The following TUSC3 variants were observed in gnomAD, a reference collection of about 807,000 sequenced individuals.
TUSC3 encodes the protein tumor suppressor candidate 3.
A neutral mutation model predicts 44.8 loss-of-function variants in TUSC3; 45 were observed. The ratio of observed to expected loss-of-function variants is 1.00; its 90% CI spans 0.79 to 1.29. The LOEUF is 1.29. TUSC3 is among the 50% of genes most tolerant of loss of function. TUSC3 has a pLI of 0.00. For synonymous variants in TUSC3, 212 were observed against 152.9 expected, an observed-to-expected ratio of 1.39 and a Z score of -2.85; for missense variants, 519 against 437.9, an observed-to-expected ratio of 1.19 and a Z score of -1.65.
chr8:15,820,831 T>C, the TUSC3 span, among the ~76,000 whole-genome samples: 2 of 152,232 alleles, frequency 1.3e-5, no homozygotes, highest in East Asian at 1.9e-4. Flanking sequence ...TTCCCTCTTA[T>C]GTTTTTTAAA....
chr8:15,561,750 A>C (rs6988858), intron 1 of TUSC3: 1 of 148,266 alleles, frequency 6.7e-6, no homozygotes, highest in Non-Finnish European at 1.5e-5. Context: ...GTATTCGGGT[A>C]TGAGTGACCC....
At chr8:15,497,091 G>A (rs1305418560) in intron 2 of TUSC3, among the ~76,000 whole-genome samples, 1 of 152,160 alleles carries the variant, frequency 6.6e-6, no homozygotes, top group Non-Finnish European at 1.5e-5. Flanking sequence ...TACGGTAAGT[G>A]CTATCAGGAA....
intron 1 of TUSC3, among the ~76,000 whole-genome samples, chr8:15,559,864 TC>T (rs1272355458): frequency 1.0e-5 from 1 of 100,374 alleles, no homozygotes; most frequent in African/African-American, 3.9e-5. Context: ...TGGTAGATCT[TC>T]CTCCATCCTT....
chr8:15,496,234 C>T (rs974043884), intron 2 of TUSC3, among the ~76,000 whole-genome samples: 2 of 152,184 alleles, frequency 1.3e-5, no homozygotes, highest in African/African-American at 4.8e-5. Flanking sequence ...ACAGCATATC[C>T]ATTCCAGCAT....
the TUSC3 span, among the ~76,000 whole-genome samples, chr8:15,833,202 A>G: frequency 0.56 from 85,604 of 152,008 alleles, 26,675 homozygotes; most frequent in Non-Finnish European, 0.72. Flanking sequence ...TAAAAAGTCA[A>G]AAAATAACAG....
the TUSC3 span, among the ~76,000 whole-genome samples, chr8:15,793,617 C>A: frequency 6.6e-6 from 1 of 152,156 alleles, no homozygotes; most frequent in Non-Finnish European, 1.5e-5. Context: ...TTTGAAACAG[C>A]ACTTTGTTTA....
At chr8:15,695,480 G>T (rs1270922425) in intron 6 of TUSC3, among the ~76,000 whole-genome samples, 1 of 152,138 alleles carries the variant, frequency 6.6e-6, no homozygotes, top group Non-Finnish European at 1.5e-5. Context: ...CCAGGCTTGG[G>T]TGTGTCTTTA....
At chr8:15,604,022 G>T (rs990490986) in intron 1 of TUSC3, among the ~76,000 whole-genome samples, 1 of 151,502 alleles carries the variant, frequency 6.6e-6, no homozygotes, top group Non-Finnish European at 1.5e-5. Context: ...AAGAGAAATG[G>T]AAAAATGTAA....
intron 2 of TUSC3, among the ~76,000 whole-genome samples, chr8:15,489,107 A>G (rs1379563042): frequency 6.6e-6 from 1 of 152,200 alleles, no homozygotes; most frequent in Admixed American, 6.5e-5. Context: ...CATGTGTCCA[A>G]CATGGTTGGG....
chr8:15,554,399 C>T (rs1035068247), intron 1 of TUSC3, among the ~76,000 whole-genome samples: 1 of 151,506 alleles, frequency 6.6e-6, no homozygotes, highest in African/African-American at 2.4e-5. Context: ...CTTGTGCTGA[C>T]TGGGAATGTT....
At chr8:15,571,292 A>G (rs979418259) in intron 1 of TUSC3, among the ~76,000 whole-genome samples, 1 of 152,020 alleles carries the variant, frequency 6.6e-6, no homozygotes, top group African/African-American at 2.4e-5. Context: ...TTATACTTTC[A>G]ATTGAATACA....
intron 1 of TUSC3, among the ~76,000 whole-genome samples, chr8:15,545,125 G>C (rs1489667335): frequency 6.6e-6 from 1 of 151,532 alleles, no homozygotes; most frequent in South Asian, 2.1e-4. Flanking sequence ...TCATATGCCT[G>C]ATGTCGTACA....
intron 2 of TUSC3, among the ~76,000 whole-genome samples, chr8:15,499,294 C>G (rs955721967): frequency 6.6e-6 from 1 of 152,178 alleles, no homozygotes; most frequent in South Asian, 2.1e-4. Context: ...ACTTTTCAAA[C>G]CATAAAAGGC....
At chr8:15,679,230 A>G (rs1446859311) in intron 6 of TUSC3, among the ~76,000 whole-genome samples, 1 of 152,154 alleles carries the variant, frequency 6.6e-6, no homozygotes, top group East Asian at 1.9e-4. Flanking sequence ...GCAGTGGTGT[A>G]TAAGCATTCC....
intron 2 of TUSC3, among the ~76,000 whole-genome samples, chr8:15,517,444 A>G (rs73665428): frequency 0.11 from 15,695 of 148,608 alleles, 931 homozygotes; most frequent in East Asian, 0.17. Context: ...ATATACATCT[A>G]TACACCTACT....
the TUSC3 span, among the ~76,000 whole-genome samples, chr8:15,796,051 A>G: frequency 1.3e-5 from 2 of 150,956 alleles, no homozygotes; most frequent in African/African-American, 4.8e-5. Context: ...CCTTACCCTC[A>G]GGTAAGCTGT....
intron 3 of TUSC3, among the ~76,000 whole-genome samples, chr8:15,653,431 C>T (rs1184717978): frequency 2.6e-5 from 4 of 152,018 alleles, no homozygotes; most frequent in Non-Finnish European, 4.4e-5. Context: ...ATGTAGGCTG[C>T]TGGTATATAA....
chr8:15,594,675 A>G (rs895017539), intron 1 of TUSC3, among the ~76,000 whole-genome samples: 14 of 152,262 alleles, frequency 9.2e-5, no homozygotes, highest in East Asian at 1.9e-4. Flanking sequence ...AGATTTTTCA[A>G]TTTGGCTGGT....
intron 6 of TUSC3, among the ~76,000 whole-genome samples, chr8:15,695,141 G>C (rs1292830381): frequency 6.6e-6 from 1 of 152,180 alleles, no homozygotes; most frequent in Non-Finnish European, 1.5e-5. Context: ...GGTACAGGAA[G>C]GCATGCAGTT....
Sources: allele counts gnomAD v4.1 joint callset (sites outside exome capture counted in the v4.1 genomes callset), GRCh38; gene constraint gnomAD v4.1.1; transcripts MANE v1.5; gene names NCBI Gene and HGNC (gene_info 2026-07-23, HGNC 2026-07-21).